Variants in LDLRAD4 observed in about 807,000 individuals in gnomAD.
LDLRAD4 encodes low-density lipoprotein receptor class A domain-containing protein 4.
A neutral mutation model predicts 17.0 loss-of-function variants in LDLRAD4; 5 were observed. The ratio of observed to expected loss-of-function variants is 0.29; its 90% CI spans 0.15 to 0.62. LDLRAD4 has a LOEUF of 0.62. Ranked by LOEUF, LDLRAD4 falls within the 20% of genes least tolerant of loss-of-function variation. LDLRAD4 has a pLI of 0.84. For synonymous variants in LDLRAD4, 168 were observed against 171.8 expected (o/e 0.98, Z 0.17); for missense variants, 340 against 424.7 (o/e 0.80, Z 1.75).
chr18:13,605,701 T>G (rs891195301), intron 3 of LDLRAD4, among the ~76,000 whole-genome samples: 1 of 152,314 alleles, frequency 6.6e-6, no homozygotes, highest in East Asian at 1.9e-4. Flanking sequence ...TCTACCTACA[T>G]GTGCACACAA....
chr18:13,526,727 G>A (rs1601105512), intron 3 of LDLRAD4: 1 of 152,178 alleles, frequency 6.6e-6, no homozygotes, highest in Non-Finnish European at 1.5e-5. Flanking sequence ...TCGCATCCTC[G>A]AAGGTGTTTT....
chr18:13,486,935 C>G (rs2093239686), intron 3 of LDLRAD4: 1 of 152,164 alleles, frequency 6.6e-6, no homozygotes, highest in African/African-American at 2.4e-5. Context: ...TCCGCAGACC[C>G]CTGCCGGTCC....
chr18:13,444,173 C>T (rs2091232154), intron 3 of LDLRAD4, among the ~76,000 whole-genome samples: 1 of 152,152 alleles, frequency 6.6e-6, no homozygotes. Context: ...CTGAGATTTC[C>T]TCTGTGTGTT....
chr18:13,629,303 G>A (rs1158663927), intron 4 of LDLRAD4, among the ~76,000 whole-genome samples: 1 of 152,158 alleles, frequency 6.6e-6, no homozygotes, highest in Non-Finnish European at 1.5e-5. Context: ...CATTATATGG[G>A]TGATCAAACC....
chr18:13,494,751 T>C (rs1483955194), intron 3 of LDLRAD4, among the ~76,000 whole-genome samples: 1 of 143,648 alleles, frequency 7.0e-6, no homozygotes, highest in Non-Finnish European at 1.5e-5. Flanking sequence ...CAGTGGGAAT[T>C]AAGGAAGTTT....
chr18:13,617,316 A>C (rs2148776602), intron 3 of LDLRAD4, among the ~76,000 whole-genome samples: 1 of 152,292 alleles, frequency 6.6e-6, no homozygotes, highest in Middle Eastern at 3.4e-3. Flanking sequence ...AAAATCAGAT[A>C]TATTAGCTCA....
intron 1 of LDLRAD4, among the ~76,000 whole-genome samples, chr18:13,268,972 C>T (rs967549866): frequency 1.3e-5 from 2 of 152,144 alleles, no homozygotes; most frequent in African/African-American, 4.8e-5. Context: ...ATAAATTGGA[C>T]CATGTGAGGA....
chr18:13,560,498 C>T (rs999165007), intron 3 of LDLRAD4, among the ~76,000 whole-genome samples: 1 of 152,220 alleles, frequency 6.6e-6, no homozygotes, highest in Admixed American at 6.5e-5. Context: ...GATGTCTCTT[C>T]CCATGGGCTC....
chr18:13,645,753 T>C lies in LDLRAD4; in HGVS notation c.*96T>C. On this transcript the variant is annotated 3_prime_UTR_variant, in exon 6 of 6. Coordinates refer to ENST00000359446, the Ensembl canonical transcript of LDLRAD4. The surrounding 1 kb of genome is among the most constrained non-coding windows in gnomAD (Gnocchi z 5.7). ...CACAGTGTTGTTCAGTTTCACATGG[T>C]ACAAATAAGTAAAACCAAATGAGCA... The C allele has an allele frequency of 1.1e-6, 1 of 929,026 alleles. No individual in the cohort carries two copies. The highest frequency in any genetic ancestry group is 2.7e-5 in the East Asian group (1 of 36,922). The allele number at this position is 929,026 out of a possible 1,614,324, so 57.5% of individuals were successfully genotyped here.
At chr18:13,551,541 AG>A (rs2094434854) in intron 3 of LDLRAD4, among the ~76,000 whole-genome samples, 1 of 152,160 alleles carries the variant, frequency 6.6e-6, no homozygotes, top group Non-Finnish European at 1.5e-5. Flanking sequence ...GAGAAAAGAC[AG>A]GATAGATGAA....
chr18:13,408,404 T>G (rs557363246), intron 2 of LDLRAD4, among the ~76,000 whole-genome samples: 2 of 146,944 alleles, frequency 1.4e-5, no homozygotes, highest in Admixed American at 6.8e-5. Context: ...GTGAGAGAGA[T>G]AGAGTAGTAG....
intron 3 of LDLRAD4, chr18:13,614,183 T>G (rs1021046965): frequency 2.0e-5 from 3 of 152,204 alleles, no homozygotes; most frequent in African/African-American, 7.2e-5. Flanking sequence ...AATGCCAACT[T>G]TGTGCCAGGC....
At chr18:13,586,236 C>T (rs1001516933) in intron 3 of LDLRAD4, among the ~76,000 whole-genome samples, 5 of 151,464 alleles carry the variant, frequency 3.3e-5, no homozygotes, top group Non-Finnish European at 5.9e-5. Context: ...GGCAAAACCC[C>T]GTCTCTACTA....
At chr18:13,619,299 G>A (rs959658470) in intron 3 of LDLRAD4, among the ~76,000 whole-genome samples, 2 of 152,124 alleles carry the variant, frequency 1.3e-5, no homozygotes, top group South Asian at 2.1e-4. Flanking sequence ...GGGCAGAGTC[G>A]AAGACTGTGT....
chr18:13,219,744 G>C (rs1448847939), intron 1 of LDLRAD4, among the ~76,000 whole-genome samples: 4 of 152,194 alleles, frequency 2.6e-5, no homozygotes, highest in African/African-American at 9.7e-5. Flanking sequence ...CCTTTCTGCC[G>C]GTTTGGCTAG....
intron 1 of LDLRAD4, among the ~76,000 whole-genome samples, chr18:13,294,892 G>A (rs1476237104): frequency 6.6e-6 from 1 of 151,778 alleles, no homozygotes; most frequent in African/African-American, 2.4e-5. Flanking sequence ...CTGTATTCTT[G>A]CTGGACAGGA....
At chr18:13,345,686 A>G (rs1289937396) in intron 1 of LDLRAD4, among the ~76,000 whole-genome samples, 1 of 152,194 alleles carries the variant, frequency 6.6e-6, no homozygotes, top group Non-Finnish European at 1.5e-5. Flanking sequence ...CCTCTGGTAG[A>G]ATTCGGCTGT....
At chr18:13,226,200 T>TTTTTTTTTTTTTTTTTTTTG (rs1399999238) in intron 1 of LDLRAD4, among the ~76,000 whole-genome samples, 8 of 143,200 alleles carry the variant, frequency 5.6e-5, no homozygotes, top group Non-Finnish European at 1.1e-4. Context: ...TTTTTTTTTT[T>TTTTTTTTTTTTTTTTTTTTG]TGTAGAGACC....
At chr18:13,575,482 G>T (rs527631011) in intron 3 of LDLRAD4, among the ~76,000 whole-genome samples, 1 of 152,192 alleles carries the variant, frequency 6.6e-6, no homozygotes, top group African/African-American at 2.4e-5. Context: ...ATGGGCATTT[G>T]GGCTGGTTCC....
Sources: allele counts gnomAD v4.1 joint callset (sites outside exome capture counted in the v4.1 genomes callset), GRCh38; gene constraint gnomAD v4.1.1; non-coding constraint Gnocchi (gnomAD v3.1); transcripts MANE v1.5; gene names NCBI Gene and HGNC (gene_info 2026-07-23, HGNC 2026-07-21).